PLCG2: variants seen among roughly 807,000 people sequenced by gnomAD.
The protein encoded by PLCG2 is 1-phosphatidylinositol 4,5-bisphosphate phosphodiesterase gamma-2.
Under a neutral mutation model 175.6 loss-of-function variants are expected in PLCG2, and 69 were observed. The ratio of observed to expected loss-of-function variants is 0.39; its 90% CI spans 0.32 to 0.48. The LOEUF (loss-of-function observed/expected upper bound fraction) is 0.48. PLCG2 is among the 20% of genes least tolerant of loss of function. The pLI, the probability that PLCG2 is intolerant of heterozygous loss-of-function variation, is 0.91. For missense variants in PLCG2, 1,798 were observed against 1,650.9 expected (o/e 1.09, Z -1.54); for synonymous variants, 827 against 624.0 (o/e 1.33, Z -4.85).
At chr16:81,799,070 G>GT (rs1911603989) in intron 2 of PLCG2, 1 of 152,276 alleles carries the variant, frequency 6.6e-6, no homozygotes, top group African/African-American at 2.4e-5. Flanking sequence ...CGTTACGCCA[G>GT]TTTCCTGTTT....
intron 2 of PLCG2, among the ~76,000 whole-genome samples, chr16:81,808,831 G>C (rs529546562): frequency 1.3e-5 from 2 of 152,174 alleles, no homozygotes; most frequent in African/African-American, 4.8e-5. Flanking sequence ...TAGCCTCTGT[G>C]GGCCTGGCCT....
At position 81,939,970 on chromosome 16, in the gene PLCG2, T is replaced by G. The variant is rs376734359; in HGVS notation, c.3392T>G (p.Phe1131Cys). 5 of 1,613,922 alleles carry G rather than the reference T, an allele frequency of 3.1e-6. No individual in the cohort carries two copies. The highest frequency in any genetic ancestry group is 4.2e-6 in the Non-Finnish European group (5 of 1,179,886). ...GAAATTTATGACCCAAACCTGGCAT[T>G]TCTGCGCTTTGTGGTTTATGAAGAA... ...TFEIYDPNLA[F>C]LRFVVYEEDM... Residue 1131 changes from phenylalanine (F) to cysteine (C), a missense_variant, in exon 30 of 33, where the codon TTT (phenylalanine) becomes TGT (cysteine). Coordinates refer to ENST00000564138, the MANE Select transcript of PLCG2 (RefSeq NM_002661.5).
At chr16:81,899,343 T>C (rs1350303109) in intron 13 of PLCG2, among the ~76,000 whole-genome samples, 2 of 151,936 alleles carry the variant, frequency 1.3e-5, no homozygotes, top group Admixed American at 1.3e-4. Flanking sequence ...TATATGTATA[T>C]ACATGTACTA....
chr16:81,947,456 C>G (rs1323035931), intron 31 of PLCG2, among the ~76,000 whole-genome samples: 1 of 152,188 alleles, frequency 6.6e-6, no homozygotes, highest in South Asian at 2.1e-4. Context: ...TCTTGGAAGC[C>G]GAGCTGAATT....
intron 24 of PLCG2, among the ~76,000 whole-genome samples, chr16:81,930,398 C>T (rs537953549): frequency 6.6e-6 from 1 of 152,272 alleles, no homozygotes; most frequent in South Asian, 2.1e-4. Context: ...TGGCTGCATT[C>T]TTCAGTCTCC....
chr16:81,857,465 C>T (rs760192828), intron 3 of PLCG2, among the ~76,000 whole-genome samples: 12 of 152,126 alleles, frequency 7.9e-5, no homozygotes, highest in Non-Finnish European at 1.6e-4. Flanking sequence ...GTTTAAACAT[C>T]AGGCATTTAT....
intron 7 of PLCG2, among the ~76,000 whole-genome samples, chr16:81,872,608 C>G (rs554318321): frequency 6.6e-6 from 1 of 152,212 alleles, no homozygotes; most frequent in Non-Finnish European, 1.5e-5. Flanking sequence ...AGCACAGTAC[C>G]TGGTAGGTGG....
chr16:81,925,735 A>G (rs1910238017), intron 22 of PLCG2, among the ~76,000 whole-genome samples: 1 of 152,100 alleles, frequency 6.6e-6, no homozygotes, highest in African/African-American at 2.4e-5. Flanking sequence ...TAAAAATACA[A>G]AAATTAGCCA....
rs146434709 is a variant in PLCG2, at chr16:81,854,437, A to G, written c.194-7A>G. 8.7e-6 allele frequency: 14 copies of G among 1,613,540 alleles called. No homozygotes were observed. In the East Asian group the frequency reaches 3.1e-4, roughly 36 times the overall value. On this transcript the variant is annotated splice_region_variant and splice_polypyrimidine_tract_variant and intron_variant, in intron 2 of 32. Coordinates refer to ENST00000564138, the MANE Select transcript of PLCG2 (RefSeq NM_002661.5). ...CTTCTAATTGGCTCATGTTAATTTC[A>G]TTTTAGTGGATATCATGGAAATAAA...
intron 21 of PLCG2, 84 bp downstream of exon 21, chr16:81,921,353 C>A: frequency 1.1e-6 from 1 of 927,768 alleles, no homozygotes; most frequent in Non-Finnish European, 1.8e-6. Flanking sequence ...GCAGTTATAA[C>A]AGGGCAAGGG....
At chr16:81,880,975 G>A (rs201944343) in intron 8 of PLCG2, 22 bp downstream of exon 8, 499 of 1,613,130 alleles carry the variant, frequency 3.1e-4, no homozygotes, top group Non-Finnish European at 2.8e-4. Context: ...CTTGTGTGTC[G>A]TTCGGGGCGG....
chr16:81,785,575 T>C (rs965827152), intron 1 of PLCG2, among the ~76,000 whole-genome samples: 1 of 151,560 alleles, frequency 6.6e-6, no homozygotes, highest in Admixed American at 6.6e-5. Flanking sequence ...TAGAGAAGGA[T>C]GTTGGAGATT....
rs150689672 is a variant in PLCG2, at chr16:81,900,481, G to T, written c.1194-131G>T. 183 of 690,922 alleles carry T rather than the reference G, an allele frequency of 2.6e-4. 1 individual carries two copies. The highest frequency in any genetic ancestry group is 1.1e-3 in the Admixed American group (33 of 30,910). 42.8% of individuals were successfully genotyped at this position (690,922 alleles called of 1,614,324 possible). A position where few individuals can be genotyped will look rare whatever the true frequency, so the allele number is the denominator to read the frequency against. ...GAGGTCCTCTCCTTCTGGGAGGGCAGATGTGGGGGTTGTGCCCCCCGAGCA... is the reference window on the plus strand; with the variant it reads ...GAGGTCCTCTCCTTCTGGGAGGGCATATGTGGGGGTTGTGCCCCCCGAGCA... On this transcript the variant is annotated intron_variant, in intron 13 of 32. Coordinates refer to ENST00000564138, the MANE Select transcript of PLCG2 (RefSeq NM_002661.5).
At chr16:81,759,091 A>T (rs1909988846) in intron 2 of PLCG2, among the ~76,000 whole-genome samples, 1 of 152,192 alleles carries the variant, frequency 6.6e-6, no homozygotes, top group Admixed American at 6.5e-5. Context: ...AGTCATTTGT[A>T]TATTTTCTTT....
intron 2 of PLCG2, among the ~76,000 whole-genome samples, chr16:81,801,301 C>A (rs769417031): frequency 2.6e-5 from 4 of 152,138 alleles, no homozygotes; most frequent in Admixed American, 6.5e-5. Context: ...AAATCAGTAT[C>A]ATGATTTAAT....
In PLCG2 at chr16:81,960,591, G is replaced by C; in HGVS notation, c.*2593G>C. ...GAGACTAGATGTGCAGGAGTGAAAG[G>C]TGTAGAGGGTCTTGTTTTCCAAATT... On this transcript the variant is annotated 3_prime_UTR_variant, in exon 33 of 33. Transcript: ENST00000564138. 4.3e-6 allele frequency: 1 copy of C among 231,714 alleles called. No homozygotes were observed. Among genetic ancestry groups the C allele is most frequent in the Non-Finnish European group, 8.5e-6 (1 of 117,096 alleles). The allele number at this position is 231,714 out of a possible 1,614,324, so 14.4% of individuals were successfully genotyped here.
chr16:81,920,877 ACACAGTGGGCTT>A (rs1184132352), intron 20 of PLCG2, among the ~76,000 whole-genome samples: 2 of 152,194 alleles, frequency 1.3e-5, no homozygotes, highest in Non-Finnish European at 2.9e-5. Flanking sequence ...GAAGTGATGT[ACACAGTGGGCTT>A]TTGTGAGCCG....
At chr16:81,861,008 A>G (rs1275866207) in intron 5 of PLCG2, among the ~76,000 whole-genome samples, 1 of 151,960 alleles carries the variant, frequency 6.6e-6, no homozygotes, top group Non-Finnish European at 1.5e-5. Flanking sequence ...CCAAACAAAA[A>G]ACAACAAAAA....
chr16:81,869,174 A>G, intron 5 of PLCG2, 40 bp from the exon 6 acceptor site: 2 of 1,517,430 alleles, frequency 1.3e-6, no homozygotes, highest in South Asian at 2.2e-5. Flanking sequence ...TGCTGTTGAA[A>G]ACCCTCAAGG....
Sources: allele counts gnomAD v4.1 joint callset (sites outside exome capture counted in the v4.1 genomes callset), GRCh38; gene constraint gnomAD v4.1.1; transcripts MANE v1.5; gene names NCBI Gene and HGNC (gene_info 2026-07-23, HGNC 2026-07-21).